SSR1: variants seen among roughly 807,000 people sequenced by gnomAD.
SSR1 encodes the protein signal sequence receptor subunit 1, also known as translocon-associated protein subunit alpha.
SSR1 carries 13 observed loss-of-function variants against 36.1 expected under a neutral mutation model. The ratio of observed to expected loss-of-function variants is 0.36; its 90% CI spans 0.23 to 0.57. The LOEUF (loss-of-function observed/expected upper bound fraction) is 0.57, where lower values mean the gene tolerates loss of function less well. Ranked by LOEUF, SSR1 falls within the 20% of genes least tolerant of loss-of-function variation. SSR1 has a pLI of 0.81. For missense variants in SSR1, 291 were observed against 338.5 expected, an observed-to-expected ratio of 0.86 and a Z score of 1.10; for synonymous variants, 113 against 118.9, an observed-to-expected ratio of 0.95 and a Z score of 0.32.
rs927907370 is a variant in SSR1 at position 7,287,730 on chromosome 6, A to G, written c.*2134T>C. ...AGCAAATGAATATATCAAAACAAAGAAAAACTTCATCCAAATATTTACATT... is the reference window on the plus strand; with the variant it reads ...AGCAAATGAATATATCAAAACAAAGGAAAACTTCATCCAAATATTTACATT... On this transcript the variant is annotated 3_prime_UTR_variant, in exon 8 of 8. Coordinates refer to ENST00000244763, the MANE Select transcript of SSR1 (RefSeq NM_003144.5). 6.6e-6 allele frequency: 1 copy of G among 152,670 alleles called. No homozygotes were observed. Among genetic ancestry groups the G allele is most frequent in the East Asian group, 1.9e-4 (1 of 5,200 alleles). The allele number at this position is 152,670 out of a possible 1,614,324, so 9.5% of individuals were successfully genotyped here.
chr6:7,307,755 G>C (rs1758102470), intron 2 of SSR1, among the ~76,000 whole-genome samples: 1 of 152,178 alleles, frequency 6.6e-6, no homozygotes, highest in Admixed American at 6.6e-5. Context: ...CAAACTCCTG[G>C]ACTCAAGTGA....
chr6:7,303,712 C>A, intron 2 of SSR1, 75 bp from the exon 3 acceptor site: 1 of 1,215,084 alleles, frequency 8.2e-7, no homozygotes, highest in South Asian at 1.3e-5. Flanking sequence ...AAGATTTGGC[C>A]GGGCACGGTG....
chr6:7,299,980 T>TA (rs922884295), intron 4 of SSR1, among the ~76,000 whole-genome samples: 9 of 150,722 alleles, frequency 6.0e-5, no homozygotes, highest in African/African-American at 1.9e-4. Context: ...ATACACAGAT[T>TA]AAAAAAAAAG....
intron 1 of SSR1, among the ~76,000 whole-genome samples, chr6:7,312,530 T>C (rs1251469493): frequency 6.6e-6 from 1 of 152,208 alleles, no homozygotes; most frequent in African/African-American, 2.4e-5. Context: ...CAAGACACTC[T>C]GATGGCTTAG....
intron 1 of SSR1, among the ~76,000 whole-genome samples, chr6:7,310,864 T>C (rs1647343372): frequency 6.6e-6 from 1 of 152,132 alleles, no homozygotes. Context: ...TGAGCCAAGA[T>C]TGTACCACTG....
chr6:7,298,234 C>T (rs1246640812), intron 5 of SSR1, among the ~76,000 whole-genome samples: 1 of 152,122 alleles, frequency 6.6e-6, no homozygotes, highest in Non-Finnish European at 1.5e-5. Context: ...ACAATTTATG[C>T]TCTATTCAAA....
chr6:7,309,756 T>C (rs1581638547), intron 2 of SSR1, 161 bp downstream of exon 2: 1 of 637,204 alleles, frequency 1.6e-6, no homozygotes, highest in East Asian at 2.8e-5. Context: ...GCCATGATGG[T>C]AAGTTTCCTG....
At chr6:7,297,842 G>A (rs868211393) in intron 6 of SSR1, 81 bp downstream of exon 6, 7 of 1,044,478 alleles carry the variant, frequency 6.7e-6, no homozygotes, top group Middle Eastern at 4.0e-4. Flanking sequence ...GTGACAGTAT[G>A]AGGCCGAAGA....
intron 5 of SSR1, 107 bp from the exon 6 acceptor site, chr6:7,298,108 G>T: frequency 1.2e-6 from 1 of 801,918 alleles, no homozygotes; most frequent in Non-Finnish European, 1.9e-6. Flanking sequence ...AATAACTTGT[G>T]GCGAAAAGGA....
intron 2 of SSR1, among the ~76,000 whole-genome samples, chr6:7,308,852 A>C (rs1758125070): frequency 6.6e-6 from 1 of 152,242 alleles, no homozygotes; most frequent in African/African-American, 2.4e-5. Context: ...GCAAGCAAAA[A>C]GAATAAAAAC....
chr6:7,290,979 G>A (rs927204210), intron 7 of SSR1, among the ~76,000 whole-genome samples: 3 of 151,910 alleles, frequency 2.0e-5, no homozygotes, highest in Admixed American at 1.3e-4. Context: ...CCACCTCCTG[G>A]GTTTAAGCGA....
chr6:7,295,372 A>C lies in SSR1; in HGVS notation c.793+20T>G. 6.4e-7 allele frequency: 1 copy of C among 1,574,542 alleles called. No homozygotes were observed. Among genetic ancestry groups the C allele is most frequent in the Non-Finnish European group, 8.7e-7 (1 of 1,154,780 alleles). On this transcript the variant is annotated intron_variant, in intron 7 of 7. Coordinates refer to ENST00000244763, the MANE Select transcript of SSR1 (RefSeq NM_003144.5). Reference sequence around the variant, plus strand: ...CACTTAAGAGAAAAACTTCCCAGCCAAGTCTGTAAGACTACTTACTGATTT... The same window carrying C: ...CACTTAAGAGAAAAACTTCCCAGCCCAGTCTGTAAGACTACTTACTGATTT...
At chr6:7,305,337 A>C (rs1192539483) in intron 2 of SSR1, among the ~76,000 whole-genome samples, 3 of 152,260 alleles carry the variant, frequency 2.0e-5, no homozygotes, top group Non-Finnish European at 4.4e-5. Flanking sequence ...GAAAAGAGCT[A>C]CAACAGGATA....
In SSR1 at chr6:7,281,748, A is replaced by G. The variant is rs946636710; in HGVS notation, c.*8116T>C. The stretch of plus-strand genomic sequence containing the variant: ...GGATAAACGAGTCATGTTGAATGAC[A>G]AAAAGTTAGACTGGGGAGATTTATG... On this transcript the variant is annotated 3_prime_UTR_variant, in exon 8 of 8. Transcript: ENST00000244763. 5.9e-5 allele frequency: 9 copies of G among 152,272 alleles called. No individual in the cohort carries two copies. Among genetic ancestry groups the G allele is most frequent in the Non-Finnish European group, 1.2e-4 (8 of 68,058 alleles). The allele number at this position is 152,272 out of a possible 1,614,324, so 9.4% of individuals were successfully genotyped here.
At chr6:7,293,950 T>G (rs934358005) in intron 7 of SSR1, among the ~76,000 whole-genome samples, 1 of 152,228 alleles carries the variant, frequency 6.6e-6, no homozygotes, top group Non-Finnish European at 1.5e-5. Flanking sequence ...TAGGCAATAT[T>G]GTGCATGGTT....
rs1757606695 is a variant in SSR1 at position 7,288,528 on chromosome 6, G to A, written c.*1336C>T. ...TTTTGTCTGTGTGGGCATGAGCATAGGGGAGGTTATACTGAAAAGGAGAAT... is the reference window on the plus strand; with the variant it reads ...TTTTGTCTGTGTGGGCATGAGCATAAGGGAGGTTATACTGAAAAGGAGAAT... On this transcript the variant is annotated 3_prime_UTR_variant, in exon 8 of 8. Transcript: ENST00000244763. 1 of 152,562 alleles carries A rather than the reference G, an allele frequency of 6.6e-6. No homozygotes were observed. Among genetic ancestry groups the A allele is most frequent in the African/African-American group, 2.4e-5 (1 of 41,424 alleles). The allele number at this position is 152,562 out of a possible 1,614,324, so 9.5% of individuals were successfully genotyped here. A position where few individuals can be genotyped will look rare whatever the true frequency, so the allele number is the denominator to read the frequency against.
In SSR1 at chr6:7,287,436, C is replaced by T. The variant is rs1460303121; in HGVS notation, c.*2428G>A. 6.6e-6 allele frequency: 1 copy of T among 152,150 alleles called. No individual in the cohort carries two copies. The allele number at this position is 152,150 out of a possible 1,614,324, so 9.4% of individuals were successfully genotyped here. A position where few individuals can be genotyped will look rare whatever the true frequency, so the allele number is the denominator to read the frequency against. ...TTTTCTTCTGATTTCTACTTTACTCCTTCCCTGAGGCTTCTACTTCTGAGG... is the reference window on the plus strand; with the variant it reads ...TTTTCTTCTGATTTCTACTTTACTCTTTCCCTGAGGCTTCTACTTCTGAGG... On this transcript the variant is annotated 3_prime_UTR_variant, in exon 8 of 8. Coordinates refer to ENST00000244763, the MANE Select transcript of SSR1 (RefSeq NM_003144.5).
rs146902744 is a variant in SSR1 at position 7,295,842 on chromosome 6, A to G, written c.700-357T>C. Among the ~76,000 whole-genome samples, 169 of 152,270 alleles carry G rather than the reference A, an allele frequency of 1.1e-3. 1 individual carries two copies. Among genetic ancestry groups the G allele is most frequent in the African/African-American group, 4.0e-3 (166 of 41,568 alleles). ...TAAAGAATAAATCTTCATCACATTT[A>G]TTTTCAGGCTTTAAAGACCTTTCCC... On this transcript the variant is annotated intron_variant, in intron 6 of 7. Coordinates refer to ENST00000244763, the MANE Select transcript of SSR1 (RefSeq NM_003144.5).
At chr6:7,291,354 C>T (rs1757675638) in intron 7 of SSR1, among the ~76,000 whole-genome samples, 1 of 152,122 alleles carries the variant, frequency 6.6e-6, no homozygotes, top group African/African-American at 2.4e-5. Context: ...GCCGAGATCA[C>T]ACCACTGCAC....
Sources: gnomAD v4.1 joint callset for allele counts (sites outside exome capture counted in the v4.1 genomes callset) on GRCh38, gnomAD v4.1.1 for gene constraint, MANE v1.5 for transcripts, NCBI Gene and HGNC (gene_info 2026-07-23, HGNC 2026-07-21) for gene names.